The following SLC4A2 variants were observed in gnomAD, a reference collection of about 807,000 sequenced individuals.
SLC4A2 encodes the protein solute carrier family 4 member 2.
Under a neutral mutation model 115.0 loss-of-function variants are expected in SLC4A2, and 36 were observed. The ratio of observed to expected loss-of-function variants is 0.31; its 90% CI spans 0.24 to 0.41. The LOEUF (loss-of-function observed/expected upper bound fraction) is 0.41, where lower values mean the gene tolerates loss of function less well. SLC4A2 is among the 10% of genes least tolerant of loss of function. SLC4A2 has a pLI of 1.00. For missense variants in SLC4A2, 1,252 were observed against 1,705.6 expected (o/e 0.73, Z 4.68); for synonymous variants, 708 against 708.3 (o/e 1.00, Z 0.01).
intron 19 of SLC4A2, 33 bp downstream of exon 19, chr7:151,074,874 C>T: frequency 6.4e-7 from 1 of 1,554,738 alleles, no homozygotes; most frequent in Non-Finnish European, 8.7e-7. Context: ...GTGTGAGAGG[C>T]CAGAGCCCCA....
intron 16 of SLC4A2, among the ~76,000 whole-genome samples, chr7:151,072,350 G>A (rs1797470053): frequency 6.6e-6 from 1 of 151,628 alleles, no homozygotes; most frequent in South Asian, 2.1e-4. Context: ...GGAGTGCAGT[G>A]GCGTGACCTT....
chr7:151,062,396 C>A (rs1034316594), intron 2 of SLC4A2, among the ~76,000 whole-genome samples: 2 of 152,150 alleles, frequency 1.3e-5, no homozygotes, highest in African/African-American at 4.8e-5. Flanking sequence ...GGGTTCTGGG[C>A]GGAGCTCGCC....
Position 151,061,722 on chromosome 7 carries a change from G to A in SLC4A2, c.-63-203G>A, listed in dbSNP as rs1455477184. On this transcript the variant is annotated intron_variant, in intron 1 of 22. Coordinates refer to ENST00000413384, the MANE Select transcript of SLC4A2 (RefSeq NM_003040.4). ...TCTACTCAGCCTCTCGGCCCTTTTC[G>A]GCCCCCCTCGCCTCAGTCCTCTCCT... 3.5e-5 allele frequency: 16 copies of A among 460,648 alleles called. No individual in the cohort carries two copies. The South Asian group carries it at 3.8e-4, about 11-fold the overall frequency. 28.5% of individuals were successfully genotyped at this position (460,648 alleles called of 1,614,324 possible).
chr7:151,075,424 A>G lies in SLC4A2; in HGVS notation c.3217A>G (p.Lys1073Glu). ...CGCCAACGCGCTCACTGTCATGAGC[A>G]AGGCTGTGGCACCTGGGGACAAGCC... ...THANALTVMS[K>E]AVAPGDKPKI... Residue 1073 changes from lysine (K) to glutamate (E), a missense_variant, in exon 20 of 23, where the codon AAG becomes GAG. This residue lies in a region of SLC4A2 where 253 missense variants were observed against 407.4 expected (regional missense o/e 0.62). Coordinates refer to ENST00000413384, the MANE Select transcript of SLC4A2 (RefSeq NM_003040.4). 1 of 1,607,140 alleles carries G rather than the reference A, an allele frequency of 6.2e-7. No individual in the cohort carries two copies. The highest frequency in any genetic ancestry group is 1.1e-5 in the South Asian group (1 of 91,090).
At position 151,060,888 on chromosome 7, in the gene SLC4A2, A is replaced by C. The variant is rs998205922; in HGVS notation, c.-63-1037A>C. Among the ~76,000 whole-genome samples the C allele has an allele frequency of 1.3e-5, 2 of 152,042 alleles. No homozygotes were observed. Among genetic ancestry groups the C allele is most frequent in the Non-Finnish European group, 2.9e-5 (2 of 67,998 alleles). ...GACTTGTCTTACTCCTAAGTCAGGC[A>C]CCCCCAGTCCCCAGCAACACACTGG... On this transcript the variant is annotated intron_variant, in intron 1 of 22. Coordinates refer to ENST00000413384, the MANE Select transcript of SLC4A2 (RefSeq NM_003040.4). The surrounding 1 kb of genome is among the most constrained non-coding windows in gnomAD (Gnocchi z 5.9).
intron 8 of SLC4A2, 108 bp from the exon 9 acceptor site, chr7:151,069,839 C>T: frequency 2.2e-6 from 3 of 1,370,394 alleles, no homozygotes; most frequent in Admixed American, 1.8e-5. Flanking sequence ...GGCTGGTGTT[C>T]CAGCCCCGGC....
rs1308191660 is a variant in SLC4A2, at chr7:151,074,183, C to T, written c.2680C>T (p.Pro894Ser). 1 of 1,612,838 alleles carries T rather than the reference C, an allele frequency of 6.2e-7. No individual in the cohort carries two copies. Among genetic ancestry groups the T allele is most frequent in the Admixed American group, 1.7e-5 (1 of 59,998 alleles). Residue 894 changes from proline (P) to serine (S), a missense_variant, in exon 17 of 23, where the codon CCC becomes TCC. Physicochemically the swap from Pro to Ser is moderately conservative, Grantham distance 74. Coordinates refer to ENST00000413384, the MANE Select transcript of SLC4A2 (RefSeq NM_003040.4). ...SLAGQSGQGK[P>S]RGQPNTALLS... Reference sequence around the variant, plus strand: ...GGCTGGGCAGTCTGGGCAGGGGAAGCCCCGGGGCCAGCCCAACACGGCCCT... The same window carrying T: ...GGCTGGGCAGTCTGGGCAGGGGAAGTCCCGGGGCCAGCCCAACACGGCCCT...
Position 151,071,474 on chromosome 7 carries a change from G to T in SLC4A2, c.2060G>T (p.Arg687Leu). The T allele has an allele frequency of 6.2e-7, 1 of 1,612,030 alleles. No homozygotes were observed. Among genetic ancestry groups the T allele is most frequent in the Non-Finnish European group, 8.5e-7 (1 of 1,179,934 alleles). The change falls in exon 14 of 23, where the codon CGA (arginine) becomes CTA (leucine). Residue 687 changes from arginine (R) to leucine (L), a missense_variant. By Grantham distance (102) the Arg-to-Leu change is moderately radical. Coordinates refer to ENST00000413384, the MANE Select transcript of SLC4A2 (RefSeq NM_003040.4). This position sits in a 1 kb window ranked among gnomAD's most constrained non-coding sequence, Gnocchi z 5.5. ...GGGCGGCCCTTTGGGGGGCTGATCC[G>T]AGATGTGCGGCGCCGCTATCCCCAC... The part of the protein sequence containing the change: ...RTGRPFGGLI[R>L]DVRRRYPHYL...
chr7:151,075,654 T>C lies in SLC4A2; in HGVS notation c.3350T>C (p.Val1117Ala). 6.2e-7 allele frequency: 1 copy of C among 1,607,456 alleles called. No homozygotes were observed. Among genetic ancestry groups the C allele is most frequent in the Non-Finnish European group, 8.5e-7 (1 of 1,177,844 alleles). Reference protein sequence around the residue: ...GDLLRQIPLAVLFGIFLYMGV... With the variant: ...GDLLRQIPLAALFGIFLYMGV... ...CTGCTCCGGCAGATCCCCCTGGCCG[T>C]GCTCTTTGGAATTTTCCTGTACATG... Residue 1117 changes from valine to alanine, a missense_variant, in exon 21 of 23, where the codon GTG becomes GCG. Val to Ala is a moderately conservative substitution (Grantham distance 64, BLOSUM62 0). Transcript: ENST00000413384.
intron 5 of SLC4A2, among the ~76,000 whole-genome samples, chr7:151,066,024 C>T (rs1563345390): frequency 2.6e-5 from 4 of 152,134 alleles, no homozygotes; most frequent in Admixed American, 2.0e-4. Flanking sequence ...CTCCAAGGCC[C>T]GGTGCCACGG....
intron 6 of SLC4A2, 24 bp downstream of exon 6, chr7:151,066,785 C>G: frequency 6.3e-7 from 1 of 1,582,400 alleles, no homozygotes; most frequent in South Asian, 1.1e-5. Flanking sequence ...CTTGGCCAAG[C>G]CCGGCACTGG....
rs373503717 is a variant in SLC4A2 at position 151,074,061 on chromosome 7, A to G, written c.2558A>G (p.His853Arg). The change falls in exon 17 of 23, where the codon CAT (histidine) becomes CGT (arginine). Residue 853 changes from histidine (H) to arginine (R), a missense_variant. Coordinates refer to ENST00000413384, the MANE Select transcript of SLC4A2 (RefSeq NM_003040.4). ...CAGATCTTCCAGGAGCACCCCCTGC[A>G]TGGCTGCTCAGCCTCCAACAGCTCA... is the stretch of plus-strand genomic sequence containing the variant. ...LVKIFQEHPLHGCSASNSSEV... is the reference protein window; with the variant it reads ...LVKIFQEHPLRGCSASNSSEV... 5 of 1,592,874 alleles carry G rather than the reference A, an allele frequency of 3.1e-6. No homozygotes were observed. The highest frequency in any genetic ancestry group is 1.3e-5 in the African/African-American group (1 of 74,640).
intron 16 of SLC4A2, 40 bp from the exon 17 acceptor site, chr7:151,073,999 C>T (rs1426635838): frequency 1.3e-6 from 2 of 1,521,256 alleles, no homozygotes; most frequent in Non-Finnish European, 1.8e-6. Flanking sequence ...ATCTTTTCTG[C>T]AGTCCAGCTG....
At chr7:151,065,117 A>T in intron 5 of SLC4A2, 151 bp downstream of exon 5, 1 of 645,484 alleles carries the variant, frequency 1.5e-6, no homozygotes, top group South Asian at 1.8e-5. Context: ...TAACTTAATT[A>T]AGCTCTCCAA....
upstream of SLC4A2, chr7:151,058,805 C>CAA (rs1796961224): frequency 1.3e-5 from 2 of 152,350 alleles, no homozygotes; most frequent in South Asian, 4.1e-4. Context: ...TTATAGATTC[C>CAA]CTTACGCTGC....
At position 151,061,994 on chromosome 7, in the gene SLC4A2, A is replaced by G. The variant is rs1797064214; in HGVS notation, c.7A>G (p.Ser3Gly). 4 of 1,609,966 alleles carry G rather than the reference A, an allele frequency of 2.5e-6. No homozygotes were observed. The highest frequency in any genetic ancestry group is 1.7e-5 in the Admixed American group (1 of 59,918). Residue 3 changes from serine (S) to glycine (G), a missense_variant, in exon 2 of 23, where the codon AGC (serine) becomes GGC (glycine). Ser to Gly is a moderately conservative substitution (Grantham distance 56). Transcript: ENST00000413384. ...AAAGGGCTAAGATTCGGCCATGAGC[A>G]GCGCCCCTCGGCGCCCCGCCAAGGG... MS[S>G]APRRPAKGAD...
At position 151,060,481 on chromosome 7, in the gene SLC4A2, G is replaced by T. The variant is rs1480074944; in HGVS notation, c.-64+719G>T. On this transcript the variant is annotated intron_variant, in intron 1 of 22. Transcript: ENST00000413384. The surrounding 1 kb of genome is among the most constrained non-coding windows in gnomAD (Gnocchi z 5.9). ...GAGGTGCTAATCCCTTGGTCAAGGGGAGAGATACTAATCCTCTGGGCCGGT... is the reference window on the plus strand; with the variant it reads ...GAGGTGCTAATCCCTTGGTCAAGGGTAGAGATACTAATCCTCTGGGCCGGT... Among the ~76,000 whole-genome samples the T allele has an allele frequency of 1.3e-5, 2 of 152,224 alleles. No individual in the cohort carries two copies. The highest frequency in any genetic ancestry group is 2.9e-5 in the Non-Finnish European group (2 of 68,036).
chr7:151,062,100 G>T, intron 2 of SLC4A2, 62 bp downstream of exon 2: 1 of 1,431,000 alleles, frequency 7.0e-7, no homozygotes, highest in Non-Finnish European at 9.7e-7. Flanking sequence ...TGGGTGCTCC[G>T]GCCAAGGGTC....
intron 2 of SLC4A2, 144 bp downstream of exon 2, chr7:151,062,182 T>A (rs1206912521): frequency 1.4e-6 from 1 of 706,632 alleles, no homozygotes; most frequent in African/African-American, 1.8e-5. Context: ...ACCCTGACTT[T>A]GCATGATGGT....
Sources: allele counts gnomAD v4.1 joint callset (sites outside exome capture counted in the v4.1 genomes callset), GRCh38; gene constraint gnomAD v4.1.1; regional missense constraint gnomAD v4.1.1; non-coding constraint Gnocchi (gnomAD v3.1); transcripts MANE v1.5; gene names NCBI Gene and HGNC (gene_info 2026-07-23, HGNC 2026-07-21).